The following RPS6KA5 variants were observed in gnomAD, a reference collection of about 807,000 sequenced individuals.
The protein encoded by RPS6KA5 is ribosomal protein S6 kinase alpha-5.
RPS6KA5 carries 27 observed loss-of-function variants against 85.5 expected under a neutral mutation model. The ratio of observed to expected loss-of-function variants is 0.32; its 90% CI spans 0.23 to 0.44. RPS6KA5 has a LOEUF of 0.44. Ranked by LOEUF, RPS6KA5 falls within the 20% of genes least tolerant of loss-of-function variation. The pLI, the probability that RPS6KA5 is intolerant of heterozygous loss-of-function variation, is 1.00. For missense variants in RPS6KA5, 811 were observed against 980.9 expected, an observed-to-expected ratio of 0.83 and a Z score of 2.31; for synonymous variants, 334 against 348.2, an observed-to-expected ratio of 0.96 and a Z score of 0.46.
Position 90,872,007 on chromosome 14 carries a change from A to C in RPS6KA5, c.*67T>G, listed in dbSNP as rs1218684631. On this transcript the variant is annotated 3_prime_UTR_variant, in exon 17 of 17. Coordinates refer to ENST00000614987, the MANE Select transcript of RPS6KA5 (RefSeq NM_004755.4). ...ACGGGAAACATTTTTAAAAGCATAA[A>C]AGATCGCCTCAGGCATATGCTGAGG... is the stretch of plus-strand genomic sequence containing the variant. The C allele has an allele frequency of 6.6e-7, 1 of 1,522,134 alleles. No homozygotes were observed. Among genetic ancestry groups the C allele is most frequent in the African/African-American group, 1.4e-5 (1 of 71,740 alleles). 94.3% of individuals were successfully genotyped at this position (1,522,134 alleles called of 1,614,324 possible).
intron 3 of RPS6KA5, among the ~76,000 whole-genome samples, chr14:90,968,679 T>C (rs2039186329): frequency 6.6e-6 from 1 of 151,950 alleles, no homozygotes; most frequent in Non-Finnish European, 1.5e-5. Context: ...AGGAAAAGAG[T>C]GTTTCAAAGG....
At position 90,869,514 on chromosome 14, in the gene RPS6KA5, T is replaced by C. The variant is rs2032965013; in HGVS notation, c.*2560A>G. 6.6e-6 allele frequency: 1 copy of C among 152,064 alleles called. No homozygotes were observed. The highest frequency in any genetic ancestry group is 2.4e-5 in the African/African-American group (1 of 41,384). The allele number at this position is 152,064 out of a possible 1,614,324, so 9.4% of individuals were successfully genotyped here. A position where few individuals can be genotyped will look rare whatever the true frequency, so the allele number is the denominator to read the frequency against. The stretch of plus-strand genomic sequence containing the variant: ...ATGTTGGCATGAAAATTATATGCAA[T>C]ACAATCAGTAAGTGAAGAAGGGAGG... On this transcript the variant is annotated 3_prime_UTR_variant, in exon 17 of 17. Transcript: ENST00000614987.
intron 1 of RPS6KA5, among the ~76,000 whole-genome samples, chr14:91,027,983 A>T (rs1008320569): frequency 6.6e-6 from 1 of 152,258 alleles, no homozygotes; most frequent in Non-Finnish European, 1.5e-5. Context: ...TGTACTTAGC[A>T]TATAAAAGCA....
intron 5 of RPS6KA5, among the ~76,000 whole-genome samples, chr14:90,925,018 C>A (rs529186817): frequency 5.3e-5 from 8 of 152,276 alleles, no homozygotes; most frequent in African/African-American, 1.7e-4. Context: ...GCTGGCAAAT[C>A]TCCACACAAA....
intron 5 of RPS6KA5, among the ~76,000 whole-genome samples, chr14:90,931,539 A>T (rs998478878): frequency 1.3e-5 from 2 of 152,188 alleles, no homozygotes; most frequent in African/African-American, 2.4e-5. Flanking sequence ...CACAATTAAA[A>T]TTTTTTTAAA....
At chr14:90,903,664 C>T (rs1425894000) in intron 8 of RPS6KA5, among the ~76,000 whole-genome samples, 1 of 152,206 alleles carries the variant, frequency 6.6e-6, no homozygotes, top group Admixed American at 6.6e-5. Context: ...CAACCCTTTG[C>T]TCTGTTTCTT....
At chr14:91,044,339 CAAAG>C (rs377595815) in intron 1 of RPS6KA5, among the ~76,000 whole-genome samples, 2,645 of 76,814 alleles carry the variant, frequency 0.034, 73 homozygotes, top group African/African-American at 0.075. Flanking sequence ...GAAAGATAGA[CAAAG>C]AAAGAAAGAA....
At chr14:91,048,173 T>C (rs1476528593) in intron 1 of RPS6KA5, among the ~76,000 whole-genome samples, 2 of 152,118 alleles carry the variant, frequency 1.3e-5, no homozygotes, top group East Asian at 1.9e-4. Context: ...GCTACCTAAA[T>C]TGTAAGAATA....
chr14:90,876,593 T>C (rs1377243770), intron 14 of RPS6KA5, among the ~76,000 whole-genome samples: 1 of 152,228 alleles, frequency 6.6e-6, no homozygotes, highest in Admixed American at 6.5e-5. Flanking sequence ...TGCTCACTGA[T>C]TTTTGGTCTT....
chr14:90,898,370 C>G (rs1279979413), intron 12 of RPS6KA5, among the ~76,000 whole-genome samples: 2 of 152,114 alleles, frequency 1.3e-5, no homozygotes, highest in Non-Finnish European at 2.9e-5. Context: ...CTGCTGCTGC[C>G]TGGTCTCACC....
At chr14:91,054,223 T>C (rs994036621) in intron 1 of RPS6KA5, among the ~76,000 whole-genome samples, 9 of 151,940 alleles carry the variant, frequency 5.9e-5, no homozygotes, top group African/African-American at 2.2e-4. Context: ...ATGTAACAGC[T>C]AAAGCCATAA....
At chr14:90,938,187 G>C (rs1412434960) in intron 5 of RPS6KA5, among the ~76,000 whole-genome samples, 1 of 152,178 alleles carries the variant, frequency 6.6e-6, no homozygotes, top group Non-Finnish European at 1.5e-5. Flanking sequence ...ATCCAGCGGG[G>C]CAGTCAAATC....
intron 5 of RPS6KA5, among the ~76,000 whole-genome samples, chr14:90,938,875 CT>C (rs753677681): frequency 1.3e-5 from 2 of 152,186 alleles, no homozygotes; most frequent in Non-Finnish European, 2.9e-5. Context: ...CTGGCATGCC[CT>C]GAGCCATTTT....
chr14:90,994,503 T>G (rs1204065157), intron 2 of RPS6KA5, among the ~76,000 whole-genome samples: 1 of 151,730 alleles, frequency 6.6e-6, no homozygotes, highest in Non-Finnish European at 1.5e-5. Flanking sequence ...GGTCTAATTC[T>G]ATTATTTGTT....
intron 12 of RPS6KA5, among the ~76,000 whole-genome samples, chr14:90,894,994 A>G (rs2140209470): frequency 6.6e-6 from 1 of 152,272 alleles, no homozygotes; most frequent in Non-Finnish European, 1.5e-5. Flanking sequence ...CTTTCATTTG[A>G]ATTCCACTCC....
intron 16 of RPS6KA5, among the ~76,000 whole-genome samples, 168 bp downstream of exon 16, chr14:90,873,464 A>C (rs1485373871): frequency 1.3e-5 from 2 of 152,218 alleles, no homozygotes; most frequent in Non-Finnish European, 2.9e-5. Flanking sequence ...TTATTGTTAT[A>C]AAGTGTTTAT....
At chr14:91,011,314 C>T (rs547042829) in intron 1 of RPS6KA5, among the ~76,000 whole-genome samples, 2 of 151,850 alleles carry the variant, frequency 1.3e-5, no homozygotes, top group African/African-American at 2.4e-5. Flanking sequence ...GGTGAAACCC[C>T]GTCTCTACTA....
chr14:90,903,072 T>C (rs2035271144), intron 8 of RPS6KA5, 103 bp from the exon 9 acceptor site: 1 of 951,472 alleles, frequency 1.1e-6, no homozygotes. Context: ...GGAGAGAGGA[T>C]AAAAATAAGA....
chr14:90,966,100 G>A lies in RPS6KA5; in HGVS notation c.394+12206C>T, dbSNP rs115713292. Among the ~76,000 whole-genome samples, 1,487 of 152,244 alleles carry A rather than the reference G, an allele frequency of 9.8e-3. 10 individuals carry two copies. The highest frequency in any genetic ancestry group is 0.034 in the South Asian group (164 of 4,814). On this transcript the variant is annotated intron_variant, in intron 3 of 16. Transcript: ENST00000614987. Reference sequence around the variant, plus strand: ...TGGTACTAAAGTTGTAGAAAGTGATGGGAGGAAACTGGAGGAAAGGGAAAC... The same window carrying A: ...TGGTACTAAAGTTGTAGAAAGTGATAGGAGGAAACTGGAGGAAAGGGAAAC...
Sources: gnomAD v4.1 joint callset for allele counts (sites outside exome capture counted in the v4.1 genomes callset) on GRCh38, gnomAD v4.1.1 for gene constraint, MANE v1.5 for transcripts, NCBI Gene and HGNC (gene_info 2026-07-23, HGNC 2026-07-21) for gene names.